PLCB1: variants seen among roughly 807,000 people sequenced by gnomAD.
PLCB1 encodes 1-phosphatidylinositol 4,5-bisphosphate phosphodiesterase beta-1.
In PLCB1, 46 loss-of-function variants were observed where a neutral mutation model predicts 161.8. The observed-to-expected ratio is 0.28, with a 90% CI of 0.22 to 0.36. The LOEUF (loss-of-function observed/expected upper bound fraction) is 0.36, where lower values mean the gene tolerates loss of function less well. Among genes scored for constraint, PLCB1 ranks in the 10% least tolerant of loss-of-function variants. PLCB1 has a pLI of 1.00. For missense variants in PLCB1, 1,016 were observed against 1,472.5 expected (o/e 0.69, Z 5.07); for synonymous variants, 517 against 503.7 (o/e 1.03, Z -0.35).
At chr20:8,200,985 T>A in intron 2 of PLCB1, among the ~76,000 whole-genome samples, 1 of 152,134 alleles carries the variant, frequency 6.6e-6, no homozygotes, top group East Asian at 1.9e-4. Flanking sequence ...TCTCTGCATA[T>A]AATAAAATAA....
At chr20:8,517,727 G>T (rs1984192072) in intron 3 of PLCB1, among the ~76,000 whole-genome samples, 1 of 152,160 alleles carries the variant, frequency 6.6e-6, no homozygotes, top group Admixed American at 6.5e-5. Context: ...CTCTGGATTG[G>T]CTACTCCTGG....
chr20:8,278,354 GTA>G (rs11474514), intron 2 of PLCB1, among the ~76,000 whole-genome samples: 4 of 104,152 alleles, frequency 3.8e-5, no homozygotes, highest in East Asian at 2.8e-4. Context: ...TTTATATTAT[GTA>G]TATATATATA....
At chr20:8,203,925 C>T (rs1170361906) in intron 2 of PLCB1, among the ~76,000 whole-genome samples, 1 of 152,148 alleles carries the variant, frequency 6.6e-6, no homozygotes, top group Admixed American at 6.6e-5. Flanking sequence ...TACTTTATAA[C>T]ACCTTTCATT....
At chr20:8,321,238 A>T (rs956331968) in intron 2 of PLCB1, among the ~76,000 whole-genome samples, 4 of 152,220 alleles carry the variant, frequency 2.6e-5, no homozygotes, top group Non-Finnish European at 4.4e-5. Flanking sequence ...ATAGGTTTAT[A>T]CATGTTCCCT....
intron 10 of PLCB1, 132 bp from the exon 11 acceptor site, chr20:8,697,494 A>C: frequency 1.2e-6 from 1 of 859,186 alleles, no homozygotes; most frequent in Non-Finnish European, 1.8e-6. Context: ...TTGAGGCAGA[A>C]GAAAGGCAAA....
At chr20:8,799,570 C>T (rs1309490723) in intron 31 of PLCB1, among the ~76,000 whole-genome samples, 2 of 152,242 alleles carry the variant, frequency 1.3e-5, no homozygotes, top group East Asian at 3.9e-4. Context: ...TTATCAAACA[C>T]ACACATCCAA....
In PLCB1 at chr20:8,446,875, G is replaced by A. The variant is rs1980858322; in HGVS notation, c.246+75425G>A. Among the ~76,000 whole-genome samples, 5 of 151,958 alleles carry A rather than the reference G, an allele frequency of 3.3e-5. No individual in the cohort carries two copies. In the South Asian group the frequency reaches 1.0e-3, roughly 32 times the overall value. On this transcript the variant is annotated intron_variant, in intron 3 of 31. Transcript: ENST00000338037. ...TGTTCTTATTAAGGAATTCTATTAAGTCATCATGGAAGATGTTATCTTCTA... is the reference window on the plus strand; with the variant it reads ...TGTTCTTATTAAGGAATTCTATTAAATCATCATGGAAGATGTTATCTTCTA...
At chr20:8,660,130 G>C (rs1222954352) in intron 9 of PLCB1, among the ~76,000 whole-genome samples, 2 of 151,776 alleles carry the variant, frequency 1.3e-5, no homozygotes, top group African/African-American at 4.8e-5. Flanking sequence ...GAAGAACTTT[G>C]CCTTTGTTGT....
chr20:8,285,254 CATATAA>C (rs1983059221), intron 2 of PLCB1, among the ~76,000 whole-genome samples: 2 of 148,398 alleles, frequency 1.3e-5, no homozygotes, highest in Admixed American at 1.4e-4. Flanking sequence ...TATTTCTATA[CATATAA>C]ATATAAAATA....
intron 31 of PLCB1, among the ~76,000 whole-genome samples, chr20:8,794,235 A>T (rs1964815): frequency 0.97 from 148,048 of 152,306 alleles, 71,983 homozygotes; most frequent in East Asian, 1. Context: ...GATTAAGAGA[A>T]TAAAATAAAG....
intron 3 of PLCB1, among the ~76,000 whole-genome samples, chr20:8,552,474 G>A (rs1245765270): frequency 6.6e-6 from 1 of 152,182 alleles, no homozygotes; most frequent in Non-Finnish European, 1.5e-5. Flanking sequence ...AATACTTGAT[G>A]ATGAACTTCT....
At chr20:8,739,591 A>G (rs1215653139) in intron 21 of PLCB1, among the ~76,000 whole-genome samples, 1 of 152,200 alleles carries the variant, frequency 6.6e-6, no homozygotes, top group Non-Finnish European at 1.5e-5. Context: ...CTTATATGCA[A>G]ATATTTATCT....
intron 1 of PLCB1, among the ~76,000 whole-genome samples, chr20:8,133,294 C>A (rs902145829): frequency 1.3e-5 from 2 of 152,156 alleles, no homozygotes; most frequent in African/African-American, 4.8e-5. Flanking sequence ...TGATGCCAAA[C>A]TTCAGCGCCT....
intron 3 of PLCB1, among the ~76,000 whole-genome samples, chr20:8,625,743 C>T (rs1265702285): frequency 6.6e-6 from 1 of 152,006 alleles, no homozygotes; most frequent in Admixed American, 6.5e-5. Context: ...AAATGTTAAC[C>T]ATCCAGATGT....
intron 31 of PLCB1, among the ~76,000 whole-genome samples, chr20:8,830,041 G>A (rs1356573480): frequency 6.6e-6 from 1 of 152,138 alleles, no homozygotes; most frequent in Non-Finnish European, 1.5e-5. Context: ...ATTTATAACT[G>A]CTGGTCCAAG....
chr20:8,670,561 C>T (rs1989917513), intron 9 of PLCB1, among the ~76,000 whole-genome samples: 1 of 152,104 alleles, frequency 6.6e-6, no homozygotes, highest in Admixed American at 6.5e-5. Flanking sequence ...ACAGTTTTTG[C>T]AATCAAGATG....
At chr20:8,818,897 T>A (rs1204825873) in intron 31 of PLCB1, among the ~76,000 whole-genome samples, 1 of 149,186 alleles carries the variant, frequency 6.7e-6, no homozygotes, top group Non-Finnish European at 1.5e-5. Context: ...GCCAAGATTG[T>A]GCCACTGCAC....
intron 26 of PLCB1, among the ~76,000 whole-genome samples, chr20:8,774,230 A>G (rs529719104): frequency 2.3e-4 from 34 of 150,598 alleles, no homozygotes; most frequent in African/African-American, 8.3e-4. Context: ...AAAATTTTTT[A>G]TTAGACACTG....
intron 3 of PLCB1, among the ~76,000 whole-genome samples, chr20:8,477,129 C>G (rs1294827896): frequency 6.6e-6 from 1 of 152,160 alleles, no homozygotes; most frequent in Non-Finnish European, 1.5e-5. Flanking sequence ...AATGAGTAGT[C>G]TCTAGACCAG....
Sources: allele counts gnomAD v4.1 joint callset (sites outside exome capture counted in the v4.1 genomes callset), GRCh38; gene constraint gnomAD v4.1.1; transcripts MANE v1.5; gene names NCBI Gene and HGNC (gene_info 2026-07-23, HGNC 2026-07-21).